The following PAH variants were observed in gnomAD, a reference collection of about 807,000 sequenced individuals.
PAH encodes the protein phenylalanine hydroxylase, also known as phenylalanine-4-hydroxylase.
PAH carries 64 observed loss-of-function variants against 62.0 expected under a neutral mutation model. That is an observed-to-expected ratio of 1.03 (90% confidence interval 0.84 to 1.27). PAH has a LOEUF of 1.27. Ranked by LOEUF, PAH falls within the 50% of genes most tolerant of loss-of-function variation. PAH has a pLI of 0.00. For synonymous variants in PAH, 195 were observed against 196.2 expected, an observed-to-expected ratio of 0.99 and a Z score of 0.05; for missense variants, 579 against 542.8, an observed-to-expected ratio of 1.07 and a Z score of -0.66.
chr12:102,879,607 G>T (rs201740111), intron 3 of PAH, among the ~76,000 whole-genome samples: 521 of 84,908 alleles, frequency 6.1e-3, no homozygotes, highest in African/African-American at 0.019. Flanking sequence ...TTTACCTGTG[G>T]GGGGGGGGTA....
chr12:102,941,807 A>G (rs1176017432), intron 1 of PAH, among the ~76,000 whole-genome samples: 1 of 152,204 alleles, frequency 6.6e-6, no homozygotes, highest in East Asian at 1.9e-4. Context: ...TTTATCACAA[A>G]AACAGAACTA....
chr12:102,908,368 G>C (rs1472246815), intron 2 of PAH, among the ~76,000 whole-genome samples: 1 of 152,102 alleles, frequency 6.6e-6, no homozygotes, highest in Admixed American at 6.5e-5. Context: ...CTCTGACTTA[G>C]GCCTAAGGGG....
chr12:102,917,453 G>A (rs1464146211), upstream of PAH: 1 of 403,694 alleles, frequency 2.5e-6, no homozygotes, highest in East Asian at 5.5e-5. Flanking sequence ...GCCAGGGAGC[G>A]ACGGGCCACC....
intron 1 of PAH, among the ~76,000 whole-genome samples, chr12:102,949,914 T>G (rs1176419158): frequency 1.3e-5 from 2 of 152,244 alleles, no homozygotes; most frequent in Non-Finnish European, 2.9e-5. Flanking sequence ...TTGAAGGCAC[T>G]CATTGTGTCT....
chr12:102,900,356 T>C (rs566257661), intron 2 of PAH, among the ~76,000 whole-genome samples: 5 of 152,322 alleles, frequency 3.3e-5, no homozygotes, highest in Non-Finnish European at 5.9e-5. Flanking sequence ...GACACATTTA[T>C]TACTTTTATA....
chr12:102,892,017 C>A (rs1030711537), intron 3 of PAH, among the ~76,000 whole-genome samples: 1 of 152,154 alleles, frequency 6.6e-6, no homozygotes, highest in Non-Finnish European at 1.5e-5. Flanking sequence ...ATTGGGGAAG[C>A]AGCTTGGGAG....
chr12:102,920,355 C>A (rs1426198237), upstream of PAH, among the ~76,000 whole-genome samples: 3 of 152,178 alleles, frequency 2.0e-5, no homozygotes, highest in Non-Finnish European at 2.9e-5. Context: ...GAAGCATCCA[C>A]AGTCAGTCAG....
intron 1 of PAH, among the ~76,000 whole-genome samples, chr12:102,934,801 G>A (rs1879039857): frequency 6.6e-6 from 1 of 152,052 alleles, no homozygotes; most frequent in Non-Finnish European, 1.5e-5. Context: ...TGTTTAGCCA[G>A]TTCTGTTATT....
chr12:102,916,088 G>A (rs1412045283), intron 1 of PAH, among the ~76,000 whole-genome samples: 1 of 151,940 alleles, frequency 6.6e-6, no homozygotes, highest in Non-Finnish European at 1.5e-5. Context: ...CTCTCACGCT[G>A]TTCCTCTGTA....
intron 5 of PAH, among the ~76,000 whole-genome samples, chr12:102,863,812 G>C (rs1278030980): frequency 6.6e-6 from 1 of 152,014 alleles, no homozygotes; most frequent in Non-Finnish European, 1.5e-5. Flanking sequence ...CTTTATGTTT[G>C]AGTTGTTTTG....
intron 2 of PAH, among the ~76,000 whole-genome samples, chr12:102,911,312 G>A (rs76396943): frequency 0.016 from 2,397 of 152,272 alleles, 79 homozygotes; most frequent in African/African-American, 0.055. Context: ...TTGAGGAAGA[G>A]ACCCCACGTT....
At chr12:102,945,370 T>C (rs137932720) in intron 1 of PAH, among the ~76,000 whole-genome samples, 38 of 152,292 alleles carry the variant, frequency 2.5e-4, no homozygotes, top group African/African-American at 8.4e-4. Context: ...CTTAGGCTGG[T>C]CCAGAGATGG....
chr12:102,844,555 G>A, intron 9 of PAH, 124 bp from the exon 10 acceptor site: 1 of 728,044 alleles, frequency 1.4e-6, no homozygotes, highest in Non-Finnish European at 2.5e-6. Flanking sequence ...CTATGTCTAT[G>A]AGGGTGTTTC....
chr12:102,910,447 T>A (rs1878160531), intron 2 of PAH, among the ~76,000 whole-genome samples: 1 of 151,556 alleles, frequency 6.6e-6, no homozygotes, highest in South Asian at 2.1e-4. Flanking sequence ...CCGGGCTCAC[T>A]GCAAGCTCCG....
chr12:102,917,277 G>A (rs62517177), upstream of PAH: 11,824 of 723,712 alleles, frequency 0.016, 241 homozygotes, highest in African/African-American at 0.068. Flanking sequence ...GTGCATCTCC[G>A]CACAGTAACG....
chr12:102,894,797 A>T lies in PAH; in HGVS notation c.290T>A (p.Ile97Asn). 2.5e-6 allele frequency: 4 copies of T among 1,614,078 alleles called. No individual in the cohort carries two copies. Among genetic ancestry groups the T allele is most frequent in the Non-Finnish European group, 3.4e-6 (4 of 1,180,006 alleles). The change falls in exon 3 of 13, where the codon ATC (isoleucine) becomes AAC (asparagine). Residue 97 changes from isoleucine to asparagine, a missense_variant. Coordinates refer to ENST00000553106, the MANE Select transcript of PAH (RefSeq NM_000277.3). ...AGTGGCACCAATGTCATGCCTCAAG[A>T]TCTTGATGATGTTTGTCAGAGCAGG... ...SLPALTNIIK[I>N]LRHDIGATVH... is the part of the protein sequence containing the mutation.
chr12:102,931,759 A>G lies in PAH; in HGVS notation c.-95-14534T>C, dbSNP rs559251487. ...TTTCCTTGCCCTCTTGCGAAAAGGA[A>G]TATTATGTTAACTCCCTCAATACAG... On this transcript the variant is annotated intron_variant, in intron 1 of 3. Coordinates refer to the PAH transcript ENST00000546844. Among the ~76,000 whole-genome samples, 26 of 152,232 alleles carry G rather than the reference A, an allele frequency of 1.7e-4. No homozygotes were observed. In the East Asian group the frequency reaches 4.8e-3, roughly 28 times the overall value.
At chr12:102,887,010 G>GT (rs1172731938) in intron 3 of PAH, among the ~76,000 whole-genome samples, 1 of 152,132 alleles carries the variant, frequency 6.6e-6, no homozygotes, top group Admixed American at 6.6e-5. Context: ...AACAGTCAAG[G>GT]TTTTTAAAAA....
At chr12:102,902,394 A>C (rs530988663) in intron 2 of PAH, among the ~76,000 whole-genome samples, 2 of 152,332 alleles carry the variant, frequency 1.3e-5, no homozygotes, top group South Asian at 2.1e-4. Flanking sequence ...GGCAGAAGAG[A>C]GGTATCATTT....
Sources: gnomAD v4.1 joint callset for allele counts (sites outside exome capture counted in the v4.1 genomes callset) on GRCh38, gnomAD v4.1.1 for gene constraint, MANE v1.5 for transcripts, NCBI Gene and HGNC (gene_info 2026-07-23, HGNC 2026-07-21) for gene names.